Variants in RBFOX1 observed in about 807,000 individuals in gnomAD.
The protein encoded by RBFOX1 is RNA binding fox-1 homolog 1.
Under a neutral mutation model 57.7 loss-of-function variants are expected in RBFOX1, and 8 were observed. The ratio of observed to expected loss-of-function variants is 0.14; its 90% confidence interval spans 0.08 to 0.25. The LOEUF (loss-of-function observed/expected upper bound fraction) is 0.25, where lower values mean the gene tolerates loss of function less well. RBFOX1 is among the 10% of genes least tolerant of loss of function. The probability of loss-of-function intolerance (pLI) is 1.00; values close to 1 mark genes in which losing one functional copy is unlikely to be tolerated. For synonymous variants in RBFOX1, 326 were observed against 222.4 expected, an observed-to-expected ratio of 1.47 and a Z score of -4.15; for missense variants, 611 against 548.5, an observed-to-expected ratio of 1.11 and a Z score of -1.14.
intron 5 of RBFOX1, among the ~76,000 whole-genome samples, chr16:7,552,290 C>T (rs1216024928): frequency 6.6e-6 from 1 of 152,114 alleles, no homozygotes; most frequent in Non-Finnish European, 1.5e-5. Flanking sequence ...TGATCAGCAG[C>T]TATAGTTTCT....
chr16:6,723,627 TTG>T (rs2066488812), intron 3 of RBFOX1: 1 of 152,232 alleles, frequency 6.6e-6, no homozygotes, highest in South Asian at 2.1e-4. Context: ...ATTGTGATCT[TTG>T]TTTTAATTTT....
chr16:6,360,594 C>G (rs1057470112), intron 2 of RBFOX1, among the ~76,000 whole-genome samples: 1 of 152,164 alleles, frequency 6.6e-6, no homozygotes, highest in African/African-American at 2.4e-5. Flanking sequence ...TATTATGGAG[C>G]TGTAACACTC....
chr16:6,696,956 C>G (rs904930442), intron 3 of RBFOX1, among the ~76,000 whole-genome samples: 1 of 152,156 alleles, frequency 6.6e-6, no homozygotes, highest in Non-Finnish European at 1.5e-5. Context: ...TGCCTGTAGC[C>G]TCTAGTTGAT....
At chr16:7,164,559 T>A (rs1542549) in intron 4 of RBFOX1, among the ~76,000 whole-genome samples, 1 of 152,156 alleles carries the variant, frequency 6.6e-6, no homozygotes, top group East Asian at 1.9e-4. Flanking sequence ...TTATATACTA[T>A]GTGTGAAAAG....
intron 1 of RBFOX1, among the ~76,000 whole-genome samples, chr16:6,145,890 G>T (rs748563600): frequency 6.6e-6 from 1 of 152,102 alleles, no homozygotes. Context: ...CTCACTCCTG[G>T]GGCAGGTATT....
At chr16:5,336,575 C>G (rs1180748936) in intron 1 of RBFOX1, among the ~76,000 whole-genome samples, 1 of 152,196 alleles carries the variant, frequency 6.6e-6, no homozygotes, top group African/African-American at 2.4e-5. Flanking sequence ...CCTGTATCCT[C>G]TGGAGTAGGT....
intron 4 of RBFOX1, among the ~76,000 whole-genome samples, chr16:7,252,793 A>T (rs542472221): frequency 6.6e-6 from 1 of 151,684 alleles, no homozygotes; most frequent in Non-Finnish European, 1.5e-5. Context: ...TCTCTGGGCT[A>T]ATGTTACATA....
chr16:7,559,486 T>C (rs556763879), intron 5 of RBFOX1, among the ~76,000 whole-genome samples: 3 of 152,312 alleles, frequency 2.0e-5, no homozygotes, highest in African/African-American at 7.2e-5. Context: ...CTTAAAAATA[T>C]AAAAGTCTTT....
At chr16:5,962,945 C>A (rs1340819138) in intron 4 of RBFOX1, among the ~76,000 whole-genome samples, 1 of 150,520 alleles carries the variant, frequency 6.6e-6, no homozygotes, top group African/African-American at 2.4e-5. Context: ...TCAATATGGT[C>A]TTCTAATCCT....
At chr16:6,847,853 G>C (rs2093842175) in intron 3 of RBFOX1, among the ~76,000 whole-genome samples, 1 of 151,914 alleles carries the variant, frequency 6.6e-6, no homozygotes, top group African/African-American at 2.4e-5. Flanking sequence ...GGTGGTTGTT[G>C]TTGAAATGGA....
intron 3 of RBFOX1, among the ~76,000 whole-genome samples, chr16:5,633,882 A>G (rs1209724922): frequency 1.3e-5 from 2 of 152,034 alleles, no homozygotes; most frequent in African/African-American, 4.8e-5. Context: ...CAAAGGAAAT[A>G]CATAGACAGT....
chr16:6,921,182 C>G (rs906118411), intron 3 of RBFOX1, among the ~76,000 whole-genome samples: 1 of 152,172 alleles, frequency 6.6e-6, no homozygotes, highest in African/African-American at 2.4e-5. Context: ...TAACTAAATG[C>G]ATGAGTTTTC....
chr16:6,597,037 G>T (rs1318704986), intron 2 of RBFOX1, among the ~76,000 whole-genome samples: 1 of 152,122 alleles, frequency 6.6e-6, no homozygotes, highest in Non-Finnish European at 1.5e-5. Flanking sequence ...GTAAAGGTTT[G>T]ATTTTCTTGC....
At chr16:6,256,283 GTGTGTA>G (rs2097666321) in intron 1 of RBFOX1, among the ~76,000 whole-genome samples, 1 of 130,862 alleles carries the variant, frequency 7.6e-6, no homozygotes. Context: ...ATATATATAT[GTGTGTA>G]TATATATATG....
intron 3 of RBFOX1, among the ~76,000 whole-genome samples, chr16:6,692,234 C>G (rs2060304263): frequency 6.6e-6 from 1 of 152,250 alleles, no homozygotes; most frequent in East Asian, 1.9e-4. Context: ...AACTCAGTGA[C>G]CTCCCTGTAA....
At chr16:6,655,373 CAAAAA>C (rs71406388) in intron 3 of RBFOX1, among the ~76,000 whole-genome samples, 224 of 33,696 alleles carry the variant, frequency 6.6e-3, no homozygotes, top group African/African-American at 0.018. Context: ...GCCTCCGTTT[CAAAAA>C]AAAAAAAAAA....
rs372381673 is a variant in RBFOX1, at chr16:7,139,176, C to CTCTCTCTCTGTG, written c.27+87079_27+87080insCTCTCTCTGTGT. 2.2e-3 allele frequency among the ~76,000 whole-genome samples: 327 copies of CTCTCTCTCTGTG among 145,902 alleles called. 2 individuals are homozygous for CTCTCTCTCTGTG. Among genetic ancestry groups the CTCTCTCTCTGTG allele is most frequent in the African/African-American group, 6.7e-3 (259 of 38,916 alleles). On this transcript the variant is annotated intron_variant, in intron 4 of 15. Transcript: ENST00000550418. ...TAATGCAGATGAAATCAATCTCTCT[C>CTCTCTCTCTGTG]TGTGTGTGTGTGTGTGTGTGTATGT... is the stretch of plus-strand genomic sequence containing the variant.
chr16:6,618,729 C>T (rs2098179894), intron 2 of RBFOX1, among the ~76,000 whole-genome samples: 1 of 152,186 alleles, frequency 6.6e-6, no homozygotes, highest in Non-Finnish European at 1.5e-5. Context: ...GCCCTCACCA[C>T]AGTGTCATAA....
At chr16:7,520,558 T>G (rs779521880) in intron 5 of RBFOX1, among the ~76,000 whole-genome samples, 1 of 152,198 alleles carries the variant, frequency 6.6e-6, no homozygotes, top group Admixed American at 6.5e-5. Context: ...GGATAGACCG[T>G]GTTTATTTAT....
Sources: gnomAD v4.1 joint callset for allele counts (sites outside exome capture counted in the v4.1 genomes callset) on GRCh38, gnomAD v4.1.1 for gene constraint, MANE v1.5 for transcripts, NCBI Gene and HGNC (gene_info 2026-07-23, HGNC 2026-07-21) for gene names.